The following ALDH2 variants were observed in gnomAD, a reference collection of about 807,000 sequenced individuals.
ALDH2 encodes the protein aldehyde dehydrogenase 2 family member.
In ALDH2, 44 loss-of-function variants were observed where a neutral mutation model predicts 59.6. The ratio of observed to expected loss-of-function variants is 0.74; its 90% CI spans 0.58 to 0.95. The LOEUF (loss-of-function observed/expected upper bound fraction) is 0.95. ALDH2 is among the 40% of genes least tolerant of loss of function. ALDH2 has a pLI of 0.00. For missense variants in ALDH2, 570 were observed against 696.3 expected, an observed-to-expected ratio of 0.82 and a Z score of 2.04; for synonymous variants, 291 against 284.0, an observed-to-expected ratio of 1.02 and a Z score of -0.25.
intron 11 of ALDH2, among the ~76,000 whole-genome samples, chr12:111,801,693 C>CAA (rs773754247): frequency 1.1e-5 from 1 of 88,670 alleles, no homozygotes; most frequent in Non-Finnish European, 2.5e-5. Flanking sequence ...AGTGAGACTC[C>CAA]AAAAAAAAAA....
At chr12:111,797,107 G>A (rs2068411308) in intron 9 of ALDH2, among the ~76,000 whole-genome samples, 1 of 151,570 alleles carries the variant, frequency 6.6e-6, no homozygotes, top group Non-Finnish European at 1.5e-5. Flanking sequence ...GCTAATTTTT[G>A]TATTTTTAGT....
intron 1 of ALDH2, among the ~76,000 whole-genome samples, chr12:111,776,551 A>C (rs147883120): frequency 6.6e-6 from 1 of 152,216 alleles, no homozygotes; most frequent in Non-Finnish European, 1.5e-5. Flanking sequence ...ACTTGAGCAC[A>C]GGAGTTTGGG....
rs759563266 is a variant in ALDH2 at position 111,792,632 on chromosome 12, G to A, written c.933G>A (p.Leu311=). 1 of 1,612,860 alleles carries A rather than the reference G, an allele frequency of 6.2e-7. No homozygotes were observed. Among genetic ancestry groups the A allele is most frequent in the Non-Finnish European group, 8.5e-7 (1 of 1,179,820 alleles). Residue 311 remains leucine, a synonymous_variant, in exon 9 of 13, where the codon CTG becomes CTA. Transcript: ENST00000261733. ...CCGTGGAACAGGCCCACTTCGCCCT[G>A]TTCTTCAACCAGGGCCAGTGCTGCT... ...DWAVEQAHFA[L]FFNQGQCCCA...
intron 9 of ALDH2, among the ~76,000 whole-genome samples, chr12:111,795,218 A>G (rs943829968): frequency 5.3e-5 from 8 of 152,188 alleles, no homozygotes; most frequent in African/African-American, 1.9e-4. Flanking sequence ...TTTTTCTATT[A>G]ATCTGTTGAC....
chr12:111,797,630 C>T (rs1397474715), intron 9 of ALDH2, among the ~76,000 whole-genome samples: 2 of 151,632 alleles, frequency 1.3e-5, no homozygotes, highest in Non-Finnish European at 2.9e-5. Context: ...AAAAAAAATA[C>T]TCCCTAGTGA....
At chr12:111,778,604 C>T (rs1593071895) in intron 1 of ALDH2, among the ~76,000 whole-genome samples, 3 of 150,574 alleles carry the variant, frequency 2.0e-5, no homozygotes, top group East Asian at 2.0e-4. Context: ...GAGGCCCAGA[C>T]GGGCGGATCA....
intron 11 of ALDH2, among the ~76,000 whole-genome samples, chr12:111,802,482 G>A (rs553567477): frequency 1.8e-4 from 28 of 151,908 alleles, no homozygotes; most frequent in African/African-American, 6.3e-4. Flanking sequence ...TCAGGAGGCT[G>A]AGGCAGGAGA....
chr12:111,785,593 GC>G (rs2136015094), intron 4 of ALDH2, among the ~76,000 whole-genome samples: 1 of 152,062 alleles, frequency 6.6e-6, no homozygotes, highest in South Asian at 2.1e-4. Context: ...GCATGGTGGC[GC>G]ACACCTGTAA....
rs771889973 is a variant in ALDH2, at chr12:111,792,122, TG to T, written c.864del (p.Lys289ArgfsTer122). 5.0e-6 allele frequency: 8 copies of T among 1,607,344 alleles called. No homozygotes were observed. The highest frequency in any genetic ancestry group is 4.4e-5 in the South Asian group (4 of 90,048). ...AACCTCAAGAGAGTGACCTTGGAGC[TG>T]GGGGGGAAGAGCCCCAACATCATCA... ...SSNLKRVTLELGGKSPNIIMS... is the reference protein window; with the variant it reads ...SSNLKRVTLEXGGKSPNIIMS... On this transcript the variant is annotated frameshift_variant, in exon 8 of 13. Transcript: ENST00000261733. LOFTEE classifies it high-confidence loss of function.
intron 12 of ALDH2, among the ~76,000 whole-genome samples, chr12:111,808,646 A>C (rs2068514953): frequency 6.6e-6 from 1 of 152,110 alleles, no homozygotes; most frequent in East Asian, 1.9e-4. Flanking sequence ...CAGAGGTTGC[A>C]GTGAGCCGAG....
intron 1 of ALDH2, chr12:111,775,746 CA>C: frequency 2.2e-6 from 1 of 451,886 alleles, no homozygotes; most frequent in Non-Finnish European, 4.4e-6. Context: ...GGTTTCTGGT[CA>C]GGAGGTTATA....
At chr12:111,803,718 C>A in intron 11 of ALDH2, 141 bp from the exon 12 acceptor site, 1 of 369,656 alleles carries the variant, frequency 2.7e-6, no homozygotes, top group Non-Finnish European at 4.7e-6. Flanking sequence ...GCCTGGGCAA[C>A]AGAGAAAGAT....
Position 111,798,129 on chromosome 12 carries a change from C to A in ALDH2, c.1135C>A (p.Gln379Lys). The A allele has an allele frequency of 1.2e-6, 2 of 1,613,944 alleles. No individual in the cohort carries two copies. The highest frequency in any genetic ancestry group is 1.7e-6 in the Non-Finnish European group (2 of 1,179,930). ...KILGYINTGK[Q>K]EGAKLLCGGG... ...CCTCGGCTACATCAACACGGGGAAGCAAGAGGGGGCGAAGCTGCTGTGTGG... is the reference window on the plus strand; with the variant it reads ...CCTCGGCTACATCAACACGGGGAAGAAAGAGGGGGCGAAGCTGCTGTGTGG... Residue 379 changes from glutamine to lysine, a missense_variant, in exon 10 of 13, where the codon CAA becomes AAA. Physicochemically the swap from Gln to Lys is moderately conservative, Grantham distance 53 (BLOSUM62 1). Transcript: ENST00000261733.
rs1034635837 is a variant in ALDH2, at chr12:111,770,307, C to T, written c.114+3211C>T. 3.3e-5 allele frequency among the ~76,000 whole-genome samples: 5 copies of T among 152,150 alleles called. No homozygotes were observed. The South Asian group carries it at 8.3e-4, about 25-fold the overall frequency. ...TAAGCAGGAGCTGGGATAACAGTGACGCTGTGGACTTGCAGTGTCTTGGTG... is the reference window on the plus strand; with the variant it reads ...TAAGCAGGAGCTGGGATAACAGTGATGCTGTGGACTTGCAGTGTCTTGGTG... On this transcript the variant is annotated intron_variant, in intron 1 of 12. Transcript: ENST00000261733.
intron 1 of ALDH2, among the ~76,000 whole-genome samples, chr12:111,772,950 AAAAAC>A (rs2068211956): frequency 6.6e-6 from 1 of 150,938 alleles, no homozygotes; most frequent in Non-Finnish European, 1.5e-5. Flanking sequence ...CTCAAAAAAA[AAAAAC>A]AAAAAGAAAT....
chr12:111,798,065 C>T lies in ALDH2; in HGVS notation c.1084-13C>T, dbSNP rs1369898487. ...TCCGATGTCTCCATAACTCTGGGTT[C>T]CTTCTCCCACAGGTGGATGAAACTC... On this transcript the variant is annotated splice_polypyrimidine_tract_variant and intron_variant, in intron 9 of 12. Coordinates refer to ENST00000261733, the MANE Select transcript of ALDH2 (RefSeq NM_000690.4). The T allele has an allele frequency of 6.2e-7, 1 of 1,614,122 alleles. No homozygotes were observed. The highest frequency in any genetic ancestry group is 8.5e-7 in the Non-Finnish European group (1 of 1,180,024).
chr12:111,808,872 A>C (rs2068516157), intron 12 of ALDH2, among the ~76,000 whole-genome samples: 1 of 152,066 alleles, frequency 6.6e-6, no homozygotes, highest in Admixed American at 6.6e-5. Flanking sequence ...TGTGACAGGA[A>C]GCCAGGAGTA....
chr12:111,783,979 C>T (rs2068292474), intron 3 of ALDH2, among the ~76,000 whole-genome samples: 1 of 152,178 alleles, frequency 6.6e-6, no homozygotes, highest in South Asian at 2.1e-4. Context: ...AGGAGGCAAT[C>T]TCCTCCCAGC....
chr12:111,817,408 A>G lies in ALDH2; in HGVS notation c.*7833A>G, dbSNP rs376755389. 1.3e-5 allele frequency: 2 copies of G among 152,224 alleles called. No individual in the cohort carries two copies. Among genetic ancestry groups the G allele is most frequent in the Admixed American group, 1.3e-4 (2 of 15,270 alleles). 9.4% of individuals were successfully genotyped at this position (152,224 alleles called of 1,614,324 possible). On this transcript the variant is annotated 3_prime_UTR_variant, in exon 13 of 13. Transcript: ENST00000261733. ...AAAGTAGAGACATTATGTGTTTGCA[A>G]TGTGCTATGATTAATGCAGTGACAT...
Sources: gnomAD v4.1 joint callset for allele counts (sites outside exome capture counted in the v4.1 genomes callset) on GRCh38, gnomAD v4.1.1 for gene constraint, MANE v1.5 for transcripts, NCBI Gene and HGNC (gene_info 2026-07-23, HGNC 2026-07-21) for gene names.